The following NRXN1 variants were observed in gnomAD, a reference collection of about 807,000 sequenced individuals.
NRXN1 encodes neurexin-1.
NRXN1 carries 39 observed loss-of-function variants against 150.9 expected under a neutral mutation model. The observed-to-expected ratio is 0.26, with a 90% CI of 0.20 to 0.34. NRXN1 has a LOEUF of 0.34. NRXN1 is among the 10% of genes least tolerant of loss of function. NRXN1 has a pLI of 1.00. For synonymous variants in NRXN1, 924 were observed against 757.0 expected, an observed-to-expected ratio of 1.22 and a Z score of -3.62; for missense variants, 1,815 against 1,949.9, an observed-to-expected ratio of 0.93 and a Z score of 1.30.
At chr2:51,025,833 T>C (rs1480062172) in intron 2 of NRXN1, among the ~76,000 whole-genome samples, 2 of 152,210 alleles carry the variant, frequency 1.3e-5, no homozygotes, top group African/African-American at 4.8e-5. Flanking sequence ...AGAAATGTAC[T>C]GTTAAAGCTG....
chr2:50,268,511 G>A (rs1450193073), intron 17 of NRXN1, among the ~76,000 whole-genome samples: 1 of 152,230 alleles, frequency 6.6e-6, no homozygotes, highest in South Asian at 2.1e-4. Context: ...GGAGTTCAGA[G>A]TATAGCTCAT....
intron 18 of NRXN1, among the ~76,000 whole-genome samples, chr2:50,104,065 T>C (rs189005804): frequency 3.7e-4 from 56 of 152,162 alleles, no homozygotes; most frequent in African/African-American, 1.3e-3. Context: ...AACTTAAGGA[T>C]AGATTTGGGC....
At chr2:50,503,176 C>T (rs2092040107) in intron 13 of NRXN1, among the ~76,000 whole-genome samples, 1 of 151,892 alleles carries the variant, frequency 6.6e-6, no homozygotes, top group Admixed American at 6.6e-5. Flanking sequence ...GGCATGATAG[C>T]ATGTGCCTGT....
rs980009491 is a variant in NRXN1 at position 50,616,172 on chromosome 2, T to C, written c.1320+3850A>G. On this transcript the variant is annotated intron_variant, in intron 8 of 22. Transcript: ENST00000401669. ...CTTTGATTTACTTGTGATGAAAATATGAATTATTTAAAAAAAACTACTTTG... is the reference window on the plus strand; with the variant it reads ...CTTTGATTTACTTGTGATGAAAATACGAATTATTTAAAAAAAACTACTTTG... 4 of 152,274 alleles carry C rather than the reference T, an allele frequency of 2.6e-5. No homozygotes were observed. The South Asian group carries it at 8.3e-4, about 32-fold the overall frequency. The allele number at this position is 152,274 out of a possible 1,614,324, so 9.4% of individuals were successfully genotyped here.
At chr2:50,895,170 G>A (rs752342797) in intron 5 of NRXN1, among the ~76,000 whole-genome samples, 1 of 152,058 alleles carries the variant, frequency 6.6e-6, no homozygotes, top group Non-Finnish European at 1.5e-5. Context: ...CATCTCAAAC[G>A]CTGTAAGAGT....
Position 50,102,616 on chromosome 2 carries a change from C to G in NRXN1, c.3547-11122G>C, listed in dbSNP as rs1343354228. Among the ~76,000 whole-genome samples, 4 of 152,030 alleles carry G rather than the reference C, an allele frequency of 2.6e-5. No homozygotes were observed. The South Asian group carries it at 8.3e-4, about 31-fold the overall frequency. On this transcript the variant is annotated intron_variant, in intron 18 of 22. Coordinates refer to ENST00000401669, the MANE Select transcript of NRXN1 (RefSeq NM_001330078.2). ...ACATTAAAACTTACTGTAGCATATA[C>G]AGCATGCTAAGTTTCAAGAAGGCAA...
intron 17 of NRXN1, among the ~76,000 whole-genome samples, chr2:50,266,573 A>AC (rs2068921140): frequency 3.9e-5 from 2 of 51,110 alleles, no homozygotes; most frequent in Non-Finnish European, 9.3e-5. Context: ...ACACACACAC[A>AC]TATTTTCTTT....
chr2:50,455,324 C>T (rs1005431), intron 17 of NRXN1, among the ~76,000 whole-genome samples: 41,982 of 151,972 alleles, frequency 0.28, 5,984 homozygotes, highest in East Asian at 0.39. Flanking sequence ...TTTACATGGC[C>T]ATAGCTTTCA....
At chr2:50,665,087 C>A (rs1042414520) in intron 5 of NRXN1, among the ~76,000 whole-genome samples, 1 of 151,898 alleles carries the variant, frequency 6.6e-6, no homozygotes, top group Admixed American at 6.6e-5. Context: ...ACTACTTTTT[C>A]CACAGGCCAC....
At chr2:50,713,940 G>A (rs1045477473) in intron 5 of NRXN1, among the ~76,000 whole-genome samples, 1 of 152,038 alleles carries the variant, frequency 6.6e-6, no homozygotes, top group African/African-American at 2.4e-5. Flanking sequence ...GAGCATTGCT[G>A]AATTTAAATT....
Position 50,420,311 on chromosome 2 carries a change from A to G in NRXN1, c.3364+45131T>C, listed in dbSNP as rs146674265. Among the ~76,000 whole-genome samples the G allele has an allele frequency of 7.2e-5, 11 of 152,066 alleles. No individual in the cohort carries two copies. In the East Asian group the frequency reaches 2.1e-3, roughly 29 times the overall value. On this transcript the variant is annotated intron_variant, in intron 17 of 22. Coordinates refer to ENST00000401669, the MANE Select transcript of NRXN1 (RefSeq NM_001330078.2). ...TAATAGAAAGTGAAATCATTTTGAT[A>G]TCTACACCAGCAGTCATTAAATAGG...
At chr2:50,588,774 C>T (rs1046601564) in intron 8 of NRXN1, 3 of 152,216 alleles carry the variant, frequency 2.0e-5, no homozygotes, top group South Asian at 2.1e-4. Flanking sequence ...CAGAGTACCG[C>T]GGCAGATCAT....
At chr2:50,555,324 C>G (rs1309046452) in intron 8 of NRXN1, among the ~76,000 whole-genome samples, 2 of 152,208 alleles carry the variant, frequency 1.3e-5, no homozygotes, top group Non-Finnish European at 2.9e-5. Context: ...TCTCTTGAAT[C>G]TGACATCAGC....
chr2:49,988,643 C>T (rs1479186392), intron 21 of NRXN1, among the ~76,000 whole-genome samples: 1 of 146,182 alleles, frequency 6.8e-6, no homozygotes, highest in Non-Finnish European at 1.5e-5. Flanking sequence ...AAAAAAAGCC[C>T]TGAAGCCTGC....
intron 8 of NRXN1, among the ~76,000 whole-genome samples, chr2:50,614,981 T>C (rs1678833542): frequency 6.6e-6 from 1 of 152,124 alleles, no homozygotes; most frequent in Non-Finnish European, 1.5e-5. Context: ...CATTAAGGAA[T>C]CAATCATTTT....
chr2:50,896,814 C>G (rs1268737999), intron 5 of NRXN1, among the ~76,000 whole-genome samples: 1 of 151,530 alleles, frequency 6.6e-6, no homozygotes, highest in Admixed American at 6.6e-5. Flanking sequence ...GCCACTGCAC[C>G]CCAGCCTGGG....
chr2:49,968,446 T>A (rs1034729951), intron 21 of NRXN1, among the ~76,000 whole-genome samples: 4 of 152,108 alleles, frequency 2.6e-5, no homozygotes, highest in African/African-American at 9.7e-5. Flanking sequence ...GAAATCAGTA[T>A]GTTGTCCTGA....
chr2:50,397,256 G>GATCAGTGA (rs2082109931), intron 17 of NRXN1, among the ~76,000 whole-genome samples: 2 of 152,080 alleles, frequency 1.3e-5, no homozygotes, highest in Admixed American at 1.3e-4. Context: ...TTAGAGTGGC[G>GATCAGTGA]ATCAGTGACG....
chr2:50,315,972 G>T (rs1046745727), intron 17 of NRXN1, among the ~76,000 whole-genome samples: 11 of 152,012 alleles, frequency 7.2e-5, no homozygotes, highest in African/African-American at 2.7e-4. Flanking sequence ...TCAAGGAAAA[G>T]GATTCACATT....
Sources: gnomAD v4.1 joint callset for allele counts (sites outside exome capture counted in the v4.1 genomes callset) on GRCh38, gnomAD v4.1.1 for gene constraint, MANE v1.5 for transcripts, NCBI Gene and HGNC (gene_info 2026-07-23, HGNC 2026-07-21) for gene names.